FDFT1: variants seen among roughly 807,000 people sequenced by gnomAD.
FDFT1 encodes the protein squalene synthase.
FDFT1 carries 68 observed loss-of-function variants against 46.8 expected under a neutral mutation model. The ratio of observed to expected loss-of-function variants is 1.45; its 90% confidence interval spans 1.19 to 1.78. The LOEUF is 1.78. Among genes scored for constraint, FDFT1 ranks in the 40% most tolerant of loss-of-function variants. The probability of loss-of-function intolerance (pLI) is 0.00; values close to 1 mark genes in which losing one functional copy is unlikely to be tolerated. For missense variants in FDFT1, 928 were observed against 524.4 expected, an observed-to-expected ratio of 1.77 and a Z score of -7.52; for synonymous variants, 351 against 185.1, an observed-to-expected ratio of 1.90 and a Z score of -7.28.
At position 11,839,279 on chromosome 8, in the gene FDFT1, A is replaced by C. The variant is rs1402212597; in HGVS notation, c.*670A>C. On this transcript the variant is annotated 3_prime_UTR_variant, in exon 8 of 8. Transcript: ENST00000220584. The stretch of plus-strand genomic sequence containing the variant: ...GGACATTTTTGAGATTTTTATAATA[A>C]AGAATTTAATTGCTCTGCATTTGTC... 3.3e-5 allele frequency: 5 copies of C among 152,468 alleles called. No homozygotes were observed. Among genetic ancestry groups the C allele is most frequent in the Admixed American group, 3.3e-4 (5 of 15,302 alleles). The allele number at this position is 152,468 out of a possible 1,614,324, so 9.4% of individuals were successfully genotyped here. A position where few individuals can be genotyped will look rare whatever the true frequency, so the allele number is the denominator to read the frequency against.
At chr8:11,830,994 A>C (rs1302602350) in intron 6 of FDFT1, among the ~76,000 whole-genome samples, 1 of 152,244 alleles carries the variant, frequency 6.6e-6, no homozygotes, top group Non-Finnish European at 1.5e-5. Context: ...ATGGTGGTTG[A>C]AAGTAAAATC....
At position 11,803,372 on chromosome 8, in the gene FDFT1, T is replaced by G. The variant is rs1479859983; in HGVS notation, c.99+441T>G. 9 of 1,289,856 alleles carry G rather than the reference T, an allele frequency of 7.0e-6. No individual in the cohort carries two copies. In the East Asian group the frequency reaches 4.4e-4, roughly 63 times the overall value. 79.9% of individuals were successfully genotyped at this position (1,289,856 alleles called of 1,614,324 possible). A position where few individuals can be genotyped will look rare whatever the true frequency, so the allele number is the denominator to read the frequency against. On this transcript the variant is annotated intron_variant, in intron 1 of 7. Transcript: ENST00000220584. ...GGAATGAAGTCTGACTCCTCCAGTT[T>G]CACCACCTCTTCCGGAGCTCTCCCC...
At chr8:11,812,596 A>C (rs7009514) in intron 3 of FDFT1, among the ~76,000 whole-genome samples, 10 of 152,118 alleles carry the variant, frequency 6.6e-5, no homozygotes, top group Admixed American at 1.3e-4. Context: ...TACAAAGATA[A>C]GTTTGTCAGT....
intron 1 of FDFT1, chr8:11,808,386 G>C (rs1347356487): frequency 1.3e-5 from 16 of 1,235,286 alleles, no homozygotes; most frequent in Non-Finnish European, 1.6e-5. Context: ...CTGCGGGGCT[G>C]CGGGGCGGGC....
intron 1 of FDFT1, 138 bp from the exon 2 acceptor site, chr8:11,808,656 T>A: frequency 6.9e-7 from 1 of 1,441,246 alleles, no homozygotes; most frequent in Non-Finnish European, 9.1e-7. Flanking sequence ...CGCCTGGCCC[T>A]GCAAGGACTG....
rs772978640 is a variant in FDFT1, at chr8:11,838,883, G to A, written c.*274G>A. On this transcript the variant is annotated 3_prime_UTR_variant, in exon 8 of 8. Coordinates refer to ENST00000220584, the MANE Select transcript of FDFT1 (RefSeq NM_004462.5). ...CATTCAGTGCCACGGTTTAGGTGAA[G>A]TCGCTGCATATGTGACTGTCATGAG... is the stretch of plus-strand genomic sequence containing the variant. 9 of 455,248 alleles carry A rather than the reference G, an allele frequency of 2.0e-5. No homozygotes were observed. Among genetic ancestry groups the A allele is most frequent in the Admixed American group, 1.5e-4 (4 of 25,814 alleles). The allele number at this position is 455,248 out of a possible 1,614,324, so 28.2% of individuals were successfully genotyped here.
chr8:11,802,415 C>T (rs941184170), upstream of FDFT1: 4 of 457,982 alleles, frequency 8.7e-6, no homozygotes, highest in Middle Eastern at 3.2e-4. Flanking sequence ...AGCCCCACCG[C>T]CTCACCTCCA....
At chr8:11,832,549 C>T (rs370156902) in intron 7 of FDFT1, among the ~76,000 whole-genome samples, 1 of 15,548 alleles carries the variant, frequency 6.4e-5, no homozygotes, top group Admixed American at 1.2e-3. Context: ...GAGACTTTGT[C>T]TCAAAAAAAA....
chr8:11,834,130 G>C (rs1464738387), intron 7 of FDFT1, among the ~76,000 whole-genome samples: 1 of 152,212 alleles, frequency 6.6e-6, no homozygotes, highest in East Asian at 1.9e-4. Context: ...GACTCTGTCC[G>C]ATCTCTGGAC....
chr8:11,830,009 G>A (rs3779662), intron 5 of FDFT1, among the ~76,000 whole-genome samples: 31,499 of 151,790 alleles, frequency 0.21, 4,663 homozygotes, highest in East Asian at 0.76. Flanking sequence ...CACCGTACCC[G>A]GCTAGTTTTT....
chr8:11,838,379 CT>C lies in FDFT1; in HGVS notation c.1033-6del, dbSNP rs757104710. 1.9e-6 allele frequency: 3 copies of C among 1,608,332 alleles called. No homozygotes were observed. Among genetic ancestry groups the C allele is most frequent in the Non-Finnish European group, 2.6e-6 (3 of 1,174,970 alleles). On this transcript the variant is annotated splice_region_variant and splice_polypyrimidine_tract_variant and intron_variant, in intron 7 of 7. Coordinates refer to ENST00000220584, the MANE Select transcript of FDFT1 (RefSeq NM_004462.5). The stretch of plus-strand genomic sequence containing the variant: ...TAGCACTTATCATTTTTTCCTGTGT[CT>C]TTAACAGATTTATCATAGAATCCCC...
chr8:11,825,395 G>T (rs1178474750), intron 4 of FDFT1, among the ~76,000 whole-genome samples: 1 of 152,054 alleles, frequency 6.6e-6, no homozygotes, highest in Non-Finnish European at 1.5e-5. Context: ...TAAAAAATTA[G>T]CTGGATGTGG....
chr8:11,809,678 G>A lies in FDFT1; in HGVS notation c.209G>A (p.Cys70Tyr). 3 of 1,611,898 alleles carry A rather than the reference G, an allele frequency of 1.9e-6. No homozygotes were observed. The highest frequency in any genetic ancestry group is 1.7e-6 in the Non-Finnish European group (2 of 1,179,038). ...ALDGEMRNAVCIFYLVLRALD... is the reference protein window; with the variant it reads ...ALDGEMRNAVYIFYLVLRALD... ...TCCCTTTTTTACAGCAACGCAGTGTGCATATTTTATCTGGTTCTCCGAGCT... is the reference window on the plus strand; with the variant it reads ...TCCCTTTTTTACAGCAACGCAGTGTACATATTTTATCTGGTTCTCCGAGCT... Residue 70 changes from cysteine to tyrosine, a missense_variant, in exon 3 of 8, where the codon TGC becomes TAC. By Grantham distance (194) the Cys-to-Tyr change is radical (BLOSUM62 -2). Coordinates refer to ENST00000220584, the MANE Select transcript of FDFT1 (RefSeq NM_004462.5).
upstream of FDFT1, among the ~76,000 whole-genome samples, chr8:11,799,308 G>A (rs1246489174): frequency 6.6e-6 from 1 of 152,174 alleles, no homozygotes; most frequent in Non-Finnish European, 1.5e-5. Context: ...GTGGAACAGG[G>A]GTTCAATTAG....
chr8:11,836,479 C>G (rs1393051065), intron 7 of FDFT1, among the ~76,000 whole-genome samples: 3 of 152,366 alleles, frequency 2.0e-5, no homozygotes, highest in African/African-American at 4.8e-5. Context: ...GGCCACCTCT[C>G]TGCTCCTCAG....
At position 11,821,746 on chromosome 8, in the gene FDFT1, T is replaced by A. The variant is rs767867788; in HGVS notation, c.382-4T>A. On this transcript the variant is annotated splice_region_variant and splice_polypyrimidine_tract_variant and intron_variant, in intron 3 of 7. Coordinates refer to ENST00000220584, the MANE Select transcript of FDFT1 (RefSeq NM_004462.5). ...TTTCTGTGTTTTTACGGTTTCCATT[T>A]CAGATCTCCCTTGAGTTTAGAAATC... The A allele has an allele frequency of 1.6e-5, 26 of 1,612,932 alleles. No individual in the cohort carries two copies. The highest frequency in any genetic ancestry group is 2.2e-5 in the Non-Finnish European group (26 of 1,179,170).
At chr8:11,813,012 G>A (rs923611614) in intron 3 of FDFT1, among the ~76,000 whole-genome samples, 3 of 149,856 alleles carry the variant, frequency 2.0e-5, no homozygotes, top group African/African-American at 5.0e-5. Flanking sequence ...TACTACAGAC[G>A]TAGGCTCTGT....
At position 11,808,910 on chromosome 8, in the gene FDFT1, G is replaced by A. The variant is rs750209299; in HGVS notation, c.197+19G>A. ...AAATGCGGTGAGTGATGGAGGCAGC[G>A]CCTCTGGCTTGGAGGAAAGCTTGTC... On this transcript the variant is annotated intron_variant, in intron 2 of 7. Coordinates refer to ENST00000220584, the MANE Select transcript of FDFT1 (RefSeq NM_004462.5). 8 of 1,609,962 alleles carry A rather than the reference G, an allele frequency of 5.0e-6. No homozygotes were observed. Among genetic ancestry groups the A allele is most frequent in the Non-Finnish European group, 4.2e-6 (5 of 1,178,146 alleles).
At chr8:11,832,616 C>T (rs563876041) in intron 7 of FDFT1, among the ~76,000 whole-genome samples, 17 of 139,968 alleles carry the variant, frequency 1.2e-4, no homozygotes, top group African/African-American at 4.1e-4. Flanking sequence ...CTAATAATCT[C>T]TAGGCCCTAG....
Sources: gnomAD v4.1 joint callset for allele counts (sites outside exome capture counted in the v4.1 genomes callset) on GRCh38, gnomAD v4.1.1 for gene constraint, MANE v1.5 for transcripts, NCBI Gene and HGNC (gene_info 2026-07-23, HGNC 2026-07-21) for gene names.